Variants in CFAP210 observed in about 807,000 individuals in gnomAD.
The protein encoded by CFAP210 is cilia- and flagella- associated protein 210.
the CFAP210 span, chr2:169,650,517 T>A: frequency 1.9e-4 from 295 of 1,558,612 alleles, no homozygotes; most frequent in Admixed American, 2.8e-4. Flanking sequence ...CGTTTCTCCA[T>A]AAGCCTATAA....
chr2:169,675,892 G>T, the CFAP210 span, among the ~76,000 whole-genome samples: 1 of 152,096 alleles, frequency 6.6e-6, no homozygotes, highest in African/African-American at 2.4e-5. Context: ...CACTCCTCAT[G>T]TCATATGAGG....
At chr2:169,645,748 G>T in the CFAP210 span, 1 of 804,374 alleles carries the variant, frequency 1.2e-6, no homozygotes, top group Non-Finnish European at 1.9e-6. Flanking sequence ...ATTGTACTTA[G>T]ATGAAGAACA....
At chr2:169,650,310 T>C in the CFAP210 span, 1 of 1,535,156 alleles carries the variant, frequency 6.5e-7, no homozygotes, top group Non-Finnish European at 8.7e-7. Flanking sequence ...ATTTTTATTT[T>C]CATAATTGAA....
the CFAP210 span, chr2:169,654,145 T>C: frequency 2.5e-6 from 4 of 1,601,516 alleles, no homozygotes; most frequent in African/African-American, 4.0e-5. Flanking sequence ...AATTTTCTCA[T>C]CTTTTCATCT....
At chr2:169,687,666 C>G in the CFAP210 span, among the ~76,000 whole-genome samples, 1 of 152,242 alleles carries the variant, frequency 6.6e-6, no homozygotes, top group African/African-American at 2.4e-5. Flanking sequence ...CTTTCACGGA[C>G]TGGCATTGAG....
chr2:169,653,943 C>G, the CFAP210 span: 1 of 980,696 alleles, frequency 1.0e-6, no homozygotes, highest in Admixed American at 3.0e-5. Context: ...ACGTCCCAAA[C>G]TGAAATCAAG....
the CFAP210 span, among the ~76,000 whole-genome samples, chr2:169,652,271 G>A: frequency 6.6e-6 from 1 of 152,038 alleles, no homozygotes; most frequent in Non-Finnish European, 1.5e-5. Flanking sequence ...GATAATAAAT[G>A]CCATGAGAAA....
chr2:169,645,801 G>T, the CFAP210 span: 2 of 1,306,178 alleles, frequency 1.5e-6, no homozygotes, highest in Non-Finnish European at 2.1e-6. Context: ...GCTCATATAT[G>T]CTACAACTTA....
chr2:169,681,048 G>T, the CFAP210 span: 1 of 1,613,756 alleles, frequency 6.2e-7, no homozygotes, highest in Non-Finnish European at 8.5e-7. Context: ...TCTTGAGATC[G>T]CAAATGCATT....
At chr2:169,682,539 G>T in the CFAP210 span, among the ~76,000 whole-genome samples, 202 of 152,034 alleles carry the variant, frequency 1.3e-3, no homozygotes, top group Admixed American at 5.8e-3. Context: ...TCCTTATATT[G>T]CTCTCTTCAG....
At chr2:169,681,012 A>G in the CFAP210 span, 2 of 1,613,452 alleles carry the variant, frequency 1.2e-6, no homozygotes, top group Non-Finnish European at 1.7e-6. Context: ...CTTACTGCAT[A>G]TGTATTAGTC....
the CFAP210 span, chr2:169,680,963 G>A: frequency 6.7e-7 from 1 of 1,500,040 alleles, no homozygotes; most frequent in African/African-American, 1.4e-5. Flanking sequence ...AGAAACAAGA[G>A]TAAGTCTTCA....
At chr2:169,657,996 G>A in the CFAP210 span, 2 of 151,886 alleles carry the variant, frequency 1.3e-5, no homozygotes, top group Non-Finnish European at 2.9e-5. Flanking sequence ...AAACTTTTCA[G>A]ATAATTAAAA....
At chr2:169,683,042 A>G in the CFAP210 span, among the ~76,000 whole-genome samples, 2 of 152,178 alleles carry the variant, frequency 1.3e-5, no homozygotes, top group South Asian at 4.1e-4. Context: ...TGGTTCCAGA[A>G]AGAGAAAGAT....
At chr2:169,678,845 A>T in the CFAP210 span, among the ~76,000 whole-genome samples, 15 of 152,072 alleles carry the variant, frequency 9.9e-5, no homozygotes, top group East Asian at 1.3e-3. Flanking sequence ...AAAATAAAAT[A>T]AAAAATTAAA....
At chr2:169,682,517 A>ACACACAAAC in the CFAP210 span, among the ~76,000 whole-genome samples, 1 of 152,142 alleles carries the variant, frequency 6.6e-6, no homozygotes, top group South Asian at 2.1e-4. Context: ...CTGATTCAAC[A>ACACACAAAC]TGCTGTTTGT....
chr2:169,663,070 A>G, the CFAP210 span, among the ~76,000 whole-genome samples: 1 of 152,046 alleles, frequency 6.6e-6, no homozygotes, highest in Non-Finnish European at 1.5e-5. Flanking sequence ...AAACCCCACC[A>G]CTATCGCTAC....
the CFAP210 span, chr2:169,675,179 C>G: frequency 1.5e-6 from 1 of 687,850 alleles, no homozygotes; most frequent in Non-Finnish European, 2.1e-6. Context: ...AATGAGGCTA[C>G]ACTTATGAGC....
chr2:169,665,930 G>A, the CFAP210 span, among the ~76,000 whole-genome samples: 2 of 151,972 alleles, frequency 1.3e-5, no homozygotes, highest in African/African-American at 2.4e-5. Flanking sequence ...GACTCACTAT[G>A]TTACCCAGGA....
Sources: gnomAD v4.1 joint callset for allele counts (sites outside exome capture counted in the v4.1 genomes callset) on GRCh38, gnomAD v4.1.1 for gene constraint, MANE v1.5 for transcripts, NCBI Gene and HGNC (gene_info 2026-07-23, HGNC 2026-07-21) for gene names.